FBXL7: variants seen among roughly 807,000 people sequenced by gnomAD.
FBXL7 encodes F-box/LRR-repeat protein 7.
In FBXL7, 12 loss-of-function variants were observed where a neutral mutation model predicts 38.3. The ratio of observed to expected loss-of-function variants is 0.31; its 90% CI spans 0.20 to 0.51. FBXL7 has a LOEUF of 0.51. Ranked by LOEUF, FBXL7 falls within the 20% of genes least tolerant of loss-of-function variation. The pLI, the probability that FBXL7 is intolerant of heterozygous loss-of-function variation, is 0.98. For synonymous variants in FBXL7, 297 were observed against 300.9 expected (o/e 0.99, Z 0.13); for missense variants, 567 against 676.4 (o/e 0.84, Z 1.79).
chr5:15,742,235 T>TG (rs1408618631), intron 2 of FBXL7, among the ~76,000 whole-genome samples: 2 of 152,156 alleles, frequency 1.3e-5, no homozygotes, highest in Admixed American at 1.3e-4. Context: ...CTCTGTGTGG[T>TG]GGGGGAGAAT....
intron 2 of FBXL7, among the ~76,000 whole-genome samples, chr5:15,675,457 G>T (rs1742622010): frequency 6.6e-6 from 1 of 152,200 alleles, no homozygotes; most frequent in South Asian, 2.1e-4. Flanking sequence ...GGCCTGAAAA[G>T]GCTGTTGAAT....
intron 2 of FBXL7, among the ~76,000 whole-genome samples, chr5:15,758,261 A>G (rs1394417775): frequency 1.3e-5 from 2 of 152,130 alleles, no homozygotes; most frequent in African/African-American, 4.8e-5. Flanking sequence ...AGGAGATATG[A>G]TTTAATCTTT....
chr5:15,890,513 T>A (rs1258700518), intron 2 of FBXL7, among the ~76,000 whole-genome samples: 1 of 152,108 alleles, frequency 6.6e-6, no homozygotes, highest in Non-Finnish European at 1.5e-5. Flanking sequence ...AGTACTGGGA[T>A]TACAGGTGTG....
intron 1 of FBXL7, among the ~76,000 whole-genome samples, chr5:15,591,564 A>G (rs1739476021): frequency 6.6e-6 from 1 of 152,202 alleles, no homozygotes; most frequent in African/African-American, 2.4e-5. Flanking sequence ...TGGAAGGCCT[A>G]GGACCAAAGC....
chr5:15,517,964 G>A (rs1736989005), intron 1 of FBXL7, among the ~76,000 whole-genome samples: 1 of 151,918 alleles, frequency 6.6e-6, no homozygotes, highest in Non-Finnish European at 1.5e-5. Flanking sequence ...CAGGTTCAGT[G>A]TTTTTTTGTG....
At chr5:15,731,645 A>T (rs1735587961) in intron 2 of FBXL7, among the ~76,000 whole-genome samples, 1 of 152,252 alleles carries the variant, frequency 6.6e-6, no homozygotes, top group Admixed American at 6.5e-5. Context: ...AGGTAAGTCC[A>T]TGCAGAGTGT....
chr5:15,615,465 C>T (rs1053773849), intron 1 of FBXL7, among the ~76,000 whole-genome samples: 3 of 152,150 alleles, frequency 2.0e-5, no homozygotes, highest in African/African-American at 7.2e-5. Flanking sequence ...CTGCTGCATT[C>T]GAAAAATGAA....
At chr5:15,771,920 A>G (rs1489728605) in intron 2 of FBXL7, among the ~76,000 whole-genome samples, 3 of 151,746 alleles carry the variant, frequency 2.0e-5, no homozygotes, top group African/African-American at 7.3e-5. Context: ...GGCGTGTGCC[A>G]CCACACCTGG....
intron 2 of FBXL7, among the ~76,000 whole-genome samples, chr5:15,702,195 G>A (rs1743545611): frequency 6.8e-6 from 1 of 147,340 alleles, no homozygotes; most frequent in Admixed American, 6.9e-5. Flanking sequence ...CCGAGATTGC[G>A]CCACTGCATT....
At chr5:15,668,368 TTGTGTGTGTGTG>T (rs148728974) in intron 2 of FBXL7, among the ~76,000 whole-genome samples, 48,353 of 145,672 alleles carry the variant, frequency 0.33, 7,938 homozygotes, top group East Asian at 0.49. Context: ...ATATTTGTGT[TTGTGTGTGTGTG>T]TGTGTGTGTG....
intron 2 of FBXL7, among the ~76,000 whole-genome samples, chr5:15,722,597 A>G (rs998424629): frequency 3.3e-5 from 5 of 152,160 alleles, no homozygotes; most frequent in African/African-American, 1.2e-4. Flanking sequence ...GCACTAGGAG[A>G]AATTCATAGA....
At chr5:15,764,216 C>T (rs575600888) in intron 2 of FBXL7, among the ~76,000 whole-genome samples, 38 of 152,300 alleles carry the variant, frequency 2.5e-4, no homozygotes, top group African/African-American at 5.5e-4. Flanking sequence ...AAAATGGAGA[C>T]TGACCTCATA....
rs139662725 is a variant in FBXL7 at position 15,679,221 on chromosome 5, C to T, written c.127+63149C>T. The stretch of plus-strand genomic sequence containing the variant: ...TGGGAGAAGCTGAGTTATTTTTGAC[C>T]AGCTTACTTGAAACTTGGTTGTTTT... On this transcript the variant is annotated intron_variant, in intron 2 of 3. Transcript: ENST00000504595. Among the ~76,000 whole-genome samples the T allele has an allele frequency of 6.0e-3, 916 of 152,262 alleles. 5 individuals carry two copies. The highest frequency in any genetic ancestry group is 0.021 in the African/African-American group (872 of 41,554).
At chr5:15,883,610 A>C (rs1342026105) in intron 2 of FBXL7, among the ~76,000 whole-genome samples, 2 of 152,224 alleles carry the variant, frequency 1.3e-5, no homozygotes, top group African/African-American at 4.8e-5. Context: ...GAAAGTCCAA[A>C]ATGTGATCAT....
rs940453621 is a variant in FBXL7, at chr5:15,669,722, T to G, written c.127+53650T>G. Reference sequence around the variant, plus strand: ...AACATCTAATCCTGTCACGGTAAGTTTCTCAGAGGACACAAACTAACACAT... The same window carrying G: ...AACATCTAATCCTGTCACGGTAAGTGTCTCAGAGGACACAAACTAACACAT... On this transcript the variant is annotated intron_variant, in intron 2 of 3. Transcript: ENST00000504595. Among the ~76,000 whole-genome samples the G allele has an allele frequency of 3.3e-5, 5 of 152,298 alleles. No homozygotes were observed. In the South Asian group the frequency reaches 1.0e-3, roughly 32 times the overall value.
chr5:15,759,055 A>T (rs928230929), intron 2 of FBXL7, among the ~76,000 whole-genome samples: 4 of 152,232 alleles, frequency 2.6e-5, no homozygotes, highest in African/African-American at 9.6e-5. Flanking sequence ...GATTTGTTAA[A>T]ATAATCGTGG....
chr5:15,916,124 A>G (rs1254899635), intron 2 of FBXL7, among the ~76,000 whole-genome samples: 3 of 152,178 alleles, frequency 2.0e-5, no homozygotes, highest in Admixed American at 6.5e-5. Context: ...CATCAAATAC[A>G]CTTGTGGGGA....
At chr5:15,691,630 C>G (rs1743186893) in intron 2 of FBXL7, among the ~76,000 whole-genome samples, 1 of 152,144 alleles carries the variant, frequency 6.6e-6, no homozygotes, top group Non-Finnish European at 1.5e-5. Context: ...CACTTTTCTT[C>G]TTTTGAGTGT....
At position 15,541,788 on chromosome 5, in the gene FBXL7, G is replaced by A. The variant is rs545252654; in HGVS notation, c.37+41075G>A. The stretch of plus-strand genomic sequence containing the variant: ...TTGAACTCCTGGCCTCAAGTGATCC[G>A]CCTGCCTTTGCCTCCCAAAGTGCTA... On this transcript the variant is annotated intron_variant, in intron 1 of 3. Coordinates refer to ENST00000504595, the MANE Select transcript of FBXL7 (RefSeq NM_012304.5). 9.2e-5 allele frequency among the ~76,000 whole-genome samples: 14 copies of A among 151,528 alleles called. No homozygotes were observed. In the East Asian group the frequency reaches 2.1e-3, roughly 23 times the overall value.
Sources: allele counts gnomAD v4.1 joint callset (sites outside exome capture counted in the v4.1 genomes callset), GRCh38; gene constraint gnomAD v4.1.1; transcripts MANE v1.5; gene names NCBI Gene and HGNC (gene_info 2026-07-23, HGNC 2026-07-21).